PCDHAC2: variants seen among roughly 807,000 people sequenced by gnomAD.
PCDHAC2 encodes protocadherin alpha-C2.
PCDHAC2 carries 24 observed loss-of-function variants against 63.3 expected under a neutral mutation model. The ratio of observed to expected loss-of-function variants is 0.38; its 90% CI spans 0.27 to 0.53. The LOEUF is 0.53. PCDHAC2 is among the 20% of genes least tolerant of loss of function. The pLI is 0.81. For missense variants in PCDHAC2, 1,181 were observed against 1,275.2 expected (o/e 0.93, Z 1.12); for synonymous variants, 569 against 529.4 (o/e 1.07, Z -1.03).
At chr5:140,992,999 C>G (rs1254110475) in intron 3 of PCDHAC2, among the ~76,000 whole-genome samples, 4 of 152,188 alleles carry the variant, frequency 2.6e-5, no homozygotes, top group African/African-American at 9.7e-5. Flanking sequence ...CATGAAAGAG[C>G]CTCCCCAGAG....
At chr5:140,969,522 T>C in intron 1 of PCDHAC2, 191 bp downstream of exon 1, 5 of 1,397,290 alleles carry the variant, frequency 3.6e-6, no homozygotes, top group Non-Finnish European at 4.7e-6. Context: ...AAGAATTGTT[T>C]TATTTTTCAT....
At chr5:140,991,214 A>G (rs922136535) in intron 3 of PCDHAC2, among the ~76,000 whole-genome samples, 4 of 152,202 alleles carry the variant, frequency 2.6e-5, no homozygotes, top group Non-Finnish European at 4.4e-5. Context: ...AATTTTGTTA[A>G]ATTCATTAAT....
At chr5:140,999,327 G>A (rs1554256745) in intron 3 of PCDHAC2, among the ~76,000 whole-genome samples, 1 of 152,200 alleles carries the variant, frequency 6.6e-6, no homozygotes, top group Non-Finnish European at 1.5e-5. Context: ...ATTGATCTGT[G>A]TGATTTATAA....
At chr5:140,991,298 A>G (rs555776023) in intron 3 of PCDHAC2, among the ~76,000 whole-genome samples, 1 of 152,288 alleles carries the variant, frequency 6.6e-6, no homozygotes, top group Non-Finnish European at 1.5e-5. Context: ...ACACATTACT[A>G]TTATCTTGTC....
chr5:141,009,582 G>A, intron 3 of PCDHAC2, 45 bp from the exon 4 acceptor site: 1 of 1,590,226 alleles, frequency 6.3e-7, no homozygotes, highest in Non-Finnish European at 8.6e-7. Context: ...GGCATCAAGA[G>A]CATGTGTTGA....
At chr5:140,984,371 C>T (rs2097099528) in intron 3 of PCDHAC2, among the ~76,000 whole-genome samples, 1 of 152,150 alleles carries the variant, frequency 6.6e-6, no homozygotes, top group African/African-American at 2.4e-5. Flanking sequence ...TGGCCAAGTC[C>T]CTCTTTCAGA....
At chr5:140,984,973 T>C (rs1397062066) in intron 3 of PCDHAC2, among the ~76,000 whole-genome samples, 1 of 152,150 alleles carries the variant, frequency 6.6e-6, no homozygotes, top group Non-Finnish European at 1.5e-5. Context: ...AGTCTCGCTC[T>C]GTCCCCCAGG....
chr5:140,970,792 C>A (rs1554232742), intron 1 of PCDHAC2, among the ~76,000 whole-genome samples: 2 of 152,036 alleles, frequency 1.3e-5, no homozygotes, highest in African/African-American at 4.8e-5. Flanking sequence ...TATGTAATAT[C>A]CATATTGTTA....
chr5:141,006,525 T>G (rs1366958955), intron 3 of PCDHAC2, among the ~76,000 whole-genome samples: 1 of 152,108 alleles, frequency 6.6e-6, no homozygotes, highest in African/African-American at 2.4e-5. Context: ...TATACATCAG[T>G]TTTTAAAGAG....
intron 3 of PCDHAC2, among the ~76,000 whole-genome samples, chr5:140,996,530 T>C (rs1423892657): frequency 6.6e-6 from 1 of 152,210 alleles, no homozygotes; most frequent in East Asian, 1.9e-4. Flanking sequence ...AGGCCCTGTG[T>C]GTTTTGATAT....
At chr5:140,995,647 A>G (rs1419237450) in intron 3 of PCDHAC2, among the ~76,000 whole-genome samples, 2 of 152,202 alleles carry the variant, frequency 1.3e-5, no homozygotes, top group African/African-American at 4.8e-5. Context: ...TTAGAAAAGG[A>G]GAATCGAAAA....
At chr5:140,970,271 G>A (rs1395602971) in intron 1 of PCDHAC2, among the ~76,000 whole-genome samples, 1 of 152,200 alleles carries the variant, frequency 6.6e-6, no homozygotes, top group Non-Finnish European at 1.5e-5. Context: ...TTGATGAGAT[G>A]TAAAGTAGCC....
At chr5:141,006,528 T>A (rs1161709459) in intron 3 of PCDHAC2, among the ~76,000 whole-genome samples, 1 of 152,092 alleles carries the variant, frequency 6.6e-6, no homozygotes, top group African/African-American at 2.4e-5. Context: ...ACATCAGTTT[T>A]TAAAGAGAGA....
rs782046977 is a variant in PCDHAC2 at position 140,968,811 on chromosome 5, A to T, written c.2045A>T (p.Asp682Val). The T allele has an allele frequency of 5.0e-6, 8 of 1,614,086 alleles. No homozygotes were observed. The African/African-American group carries it at 6.7e-5, about 13-fold the overall frequency. The stretch of plus-strand genomic sequence containing the variant: ...GTGGCCATTACAGTAGCTGTGGTGG[A>T]TAGGGTTTCCAAAATCCTCCCTGAC... ...ASVAITVAVV[D>V]RVSKILPDTQ... Residue 682 changes from aspartate (D) to valine (V), a missense_variant, in exon 1 of 4, where the codon GAT (aspartate) becomes GTT (valine). Asp to Val is a radical substitution (Grantham distance 152). Coordinates refer to ENST00000289269, the MANE Select transcript of PCDHAC2 (RefSeq NM_018899.6).
rs1012749061 is a variant in PCDHAC2 at position 141,011,525 on chromosome 5, C to T, written c.*1588C>T. Reference sequence around the variant, plus strand: ...AAAAGTGGAGTAGTGTTTTTTTAACCATTGTTAATCAGCTTTTGTGTATGA... The same window carrying T: ...AAAAGTGGAGTAGTGTTTTTTTAACTATTGTTAATCAGCTTTTGTGTATGA... On this transcript the variant is annotated 3_prime_UTR_variant, in exon 4 of 4. Coordinates refer to ENST00000289269, the MANE Select transcript of PCDHAC2 (RefSeq NM_018899.6). 11 of 153,568 alleles carry T rather than the reference C, an allele frequency of 7.2e-5. No individual in the cohort carries two copies. The Admixed American group carries it at 7.2e-4, about 10-fold the overall frequency. 9.5% of individuals were successfully genotyped at this position (153,568 alleles called of 1,614,324 possible).
Position 140,966,748 on chromosome 5 carries a change from T to G in PCDHAC2, c.-19T>G. On this transcript the variant is annotated 5_prime_UTR_variant, in exon 1 of 4. Transcript: ENST00000289269. ...CCGCCTCCGGCCCTGCCCGGCTGCC[T>G]CCGCCGCGGCCAGTGGCTATGGAGC... 2 of 1,426,956 alleles carry G rather than the reference T, an allele frequency of 1.4e-6. No individual in the cohort carries two copies. The highest frequency in any genetic ancestry group is 1.8e-6 in the Non-Finnish European group (2 of 1,095,622). The allele number at this position is 1,426,956 out of a possible 1,614,324, so 88.4% of individuals were successfully genotyped here. A position where few individuals can be genotyped will look rare whatever the true frequency, so the allele number is the denominator to read the frequency against.
chr5:141,002,141 A>G (rs1554258528), intron 3 of PCDHAC2, among the ~76,000 whole-genome samples: 3 of 152,258 alleles, frequency 2.0e-5, no homozygotes, highest in Admixed American at 6.5e-5. Context: ...TGCCGGCTGC[A>G]CTGACTTAGC....
chr5:140,981,459 A>C (rs1267670163), intron 2 of PCDHAC2, among the ~76,000 whole-genome samples: 1 of 152,176 alleles, frequency 6.6e-6, no homozygotes, highest in Non-Finnish European at 1.5e-5. Context: ...CTGTAGTCCC[A>C]GCTACTTGGG....
chr5:140,972,820 C>A (rs1247488574), intron 1 of PCDHAC2, among the ~76,000 whole-genome samples: 3 of 151,964 alleles, frequency 2.0e-5, no homozygotes, highest in Admixed American at 6.6e-5. Context: ...CGCGCCACCA[C>A]GCCTGGCTAA....
Sources: gnomAD v4.1 joint callset for allele counts (sites outside exome capture counted in the v4.1 genomes callset) on GRCh38, gnomAD v4.1.1 for gene constraint, MANE v1.5 for transcripts, NCBI Gene and HGNC (gene_info 2026-07-23, HGNC 2026-07-21) for gene names.